The following KITLG variants were observed in gnomAD, a reference collection of about 807,000 sequenced individuals.
KITLG encodes the protein c-Kit ligand.
KITLG carries 13 observed loss-of-function variants against 34.1 expected under a neutral mutation model. The observed-to-expected ratio is 0.38, with a 90% CI of 0.25 to 0.61. The LOEUF (loss-of-function observed/expected upper bound fraction) is 0.61, where lower values mean the gene tolerates loss of function less well. Among genes scored for constraint, KITLG ranks in the 20% least tolerant of loss-of-function variants. The pLI, the probability that KITLG is intolerant of heterozygous loss-of-function variation, is 0.60. For missense variants in KITLG, 292 were observed against 318.9 expected (o/e 0.92, Z 0.64); for synonymous variants, 110 against 104.0 (o/e 1.06, Z -0.35).
At chr12:88,580,237 G>A (rs781648634) in intron 1 of KITLG, 27 bp downstream of exon 1, 2 of 1,602,314 alleles carry the variant, frequency 1.2e-6, no homozygotes, top group African/African-American at 2.7e-5. Flanking sequence ...TGGAGAGCCT[G>A]GGAGCTCCCG....
intron 1 of KITLG, among the ~76,000 whole-genome samples, chr12:88,566,389 C>A (rs995425703): frequency 6.6e-6 from 1 of 152,166 alleles, no homozygotes; most frequent in Admixed American, 6.5e-5. Flanking sequence ...CAGTGTTAGA[C>A]AACTTAGCTA....
intron 4 of KITLG, among the ~76,000 whole-genome samples, chr12:88,517,268 T>C (rs1244298664): frequency 6.6e-6 from 1 of 151,996 alleles, no homozygotes; most frequent in Non-Finnish European, 1.5e-5. Context: ...AAAAATGGTA[T>C]GATTAATTGA....
At chr12:88,578,040 T>C (rs1300608020) in intron 1 of KITLG, among the ~76,000 whole-genome samples, 1 of 152,202 alleles carries the variant, frequency 6.6e-6, no homozygotes, top group African/African-American at 2.4e-5. Flanking sequence ...AACATTAGAA[T>C]CAGAACAATC....
chr12:88,571,258 G>A (rs1871641371), intron 1 of KITLG, among the ~76,000 whole-genome samples: 1 of 152,190 alleles, frequency 6.6e-6, no homozygotes, highest in Admixed American at 6.5e-5. Flanking sequence ...GCCAGTTGCT[G>A]TGATGTTAGA....
chr12:88,533,654 T>C (rs1870191549), intron 2 of KITLG, among the ~76,000 whole-genome samples: 1 of 152,200 alleles, frequency 6.6e-6, no homozygotes. Context: ...CAAGGGTCTA[T>C]CTTGCTTTGT....
rs187534409 is a variant in KITLG at position 88,553,006 on chromosome 12, G to C, written c.16-7141C>G. Among the ~76,000 whole-genome samples, 195 of 152,280 alleles carry C rather than the reference G, an allele frequency of 1.3e-3. 1 individual carries two copies. Among genetic ancestry groups the C allele is most frequent in the Non-Finnish European group, 2.4e-3 (160 of 68,018 alleles). On this transcript the variant is annotated intron_variant, in intron 1 of 9. Coordinates refer to ENST00000644744, the MANE Select transcript of KITLG (RefSeq NM_000899.5). Reference sequence around the variant, plus strand: ...ATTTGTTGTGTGGTTTATGGGCTTTGCATCGGCTAGGAAACCAGAAGACAA... The same window carrying C: ...ATTTGTTGTGTGGTTTATGGGCTTTCCATCGGCTAGGAAACCAGAAGACAA...
intron 1 of KITLG, among the ~76,000 whole-genome samples, chr12:88,563,190 G>C (rs558244263): frequency 6.6e-6 from 1 of 152,300 alleles, no homozygotes; most frequent in South Asian, 2.1e-4. Context: ...TGCATGCAAA[G>C]AATAAGATTT....
At chr12:88,524,709 A>T (rs539234174) in intron 3 of KITLG, among the ~76,000 whole-genome samples, 1 of 152,298 alleles carries the variant, frequency 6.6e-6, no homozygotes, top group South Asian at 2.1e-4. Context: ...ATAATCACTT[A>T]TTAGGAAGAC....
intron 1 of KITLG, among the ~76,000 whole-genome samples, chr12:88,571,346 G>C (rs2120984746): frequency 6.6e-6 from 1 of 152,244 alleles, no homozygotes; most frequent in African/African-American, 2.4e-5. Flanking sequence ...TATTGAGAAA[G>C]TGAAGTTCAA....
intron 6 of KITLG, among the ~76,000 whole-genome samples, chr12:88,512,460 T>C (rs1476861434): frequency 6.6e-6 from 1 of 151,980 alleles, no homozygotes; most frequent in Non-Finnish European, 1.5e-5. Flanking sequence ...AGAGGATAGA[T>C]AAAATGGATT....
At chr12:88,540,711 T>C (rs1371236235) in intron 2 of KITLG, among the ~76,000 whole-genome samples, 3 of 152,114 alleles carry the variant, frequency 2.0e-5, no homozygotes. Context: ...GGAAGAACAA[T>C]GTTTTCCTAA....
intron 1 of KITLG, among the ~76,000 whole-genome samples, chr12:88,553,119 A>G (rs758319694): frequency 5.3e-5 from 8 of 152,238 alleles, no homozygotes; most frequent in Non-Finnish European, 8.8e-5. Flanking sequence ...CCTTTAGCAC[A>G]TGAATATTTT....
At chr12:88,503,728 C>T (rs1277466940) in intron 9 of KITLG, among the ~76,000 whole-genome samples, 1 of 152,026 alleles carries the variant, frequency 6.6e-6, no homozygotes, top group Non-Finnish European at 1.5e-5. Flanking sequence ...TCCCACAATC[C>T]CTCCGCAGAC....
chr12:88,548,774 T>C lies in KITLG; in HGVS notation c.16-2909A>G, dbSNP rs1378947928. Among the ~76,000 whole-genome samples, 2 of 152,182 alleles carry C rather than the reference T, an allele frequency of 1.3e-5. 1 individual carries two copies. ...ACATCAGTGCCTGCTACCTAGTAAC[T>C]TCAGCTGAATTCCCTTGGAGGAAGT... On this transcript the variant is annotated intron_variant, in intron 1 of 9. Coordinates refer to ENST00000644744, the MANE Select transcript of KITLG (RefSeq NM_000899.5).
chr12:88,572,064 T>C (rs548201421), intron 1 of KITLG, among the ~76,000 whole-genome samples: 52 of 152,312 alleles, frequency 3.4e-4, no homozygotes, highest in African/African-American at 1.2e-3. Flanking sequence ...TTTTATAATA[T>C]AATGATAGAA....
chr12:88,526,799 G>A (rs199714519), intron 3 of KITLG, among the ~76,000 whole-genome samples: 1 of 151,524 alleles, frequency 6.6e-6, no homozygotes, highest in African/African-American at 2.4e-5. Flanking sequence ...TGGCAGCAAG[G>A]AACTGGTAAC....
chr12:88,575,656 C>T (rs1871802265), intron 1 of KITLG, among the ~76,000 whole-genome samples: 1 of 152,138 alleles, frequency 6.6e-6, no homozygotes. Flanking sequence ...GTTCCCTCAA[C>T]TTGTTTTGTA....
chr12:88,502,077 G>A (rs1189340742), intron 9 of KITLG, among the ~76,000 whole-genome samples: 1 of 152,160 alleles, frequency 6.6e-6, no homozygotes, highest in African/African-American at 2.4e-5. Context: ...TTTGTAGGTG[G>A]CAGTATGTGA....
chr12:88,524,210 A>C (rs1869783009), intron 3 of KITLG, among the ~76,000 whole-genome samples: 1 of 152,228 alleles, frequency 6.6e-6, no homozygotes, highest in South Asian at 2.1e-4. Flanking sequence ...CCTCTCACTC[A>C]AAATGCATTG....
Sources: allele counts gnomAD v4.1 joint callset (sites outside exome capture counted in the v4.1 genomes callset), GRCh38; gene constraint gnomAD v4.1.1; transcripts MANE v1.5; gene names NCBI Gene and HGNC (gene_info 2026-07-23, HGNC 2026-07-21).